The following LCK variants were observed in gnomAD, a reference collection of about 807,000 sequenced individuals.
LCK encodes LCK proto-oncogene, Src family tyrosine kinase, also known as tyrosine-protein kinase Lck.
In LCK, 14 loss-of-function variants were observed where a neutral mutation model predicts 64.6. That is an observed-to-expected ratio of 0.22 (90% CI 0.14 to 0.34). LCK has a LOEUF of 0.34. Ranked by LOEUF, LCK falls within the 10% of genes least tolerant of loss-of-function variation. LCK has a pLI of 1.00. For missense variants in LCK, 434 were observed against 668.1 expected, an observed-to-expected ratio of 0.65 and a Z score of 3.86; for synonymous variants, 277 against 263.6, an observed-to-expected ratio of 1.05 and a Z score of -0.49.
chr1:32,268,556 A>T (rs527598849), intron 1 of LCK, among the ~76,000 whole-genome samples: 1 of 152,050 alleles, frequency 6.6e-6, no homozygotes, highest in South Asian at 2.1e-4. Context: ...TGATTATTAC[A>T]CATTGTATGC....
rs1553153707 is a variant in LCK at position 32,274,722 on chromosome 1, T to C, written c.106-15T>C. The C allele has an allele frequency of 2.6e-6, 4 of 1,559,582 alleles. No individual in the cohort carries two copies. In the South Asian group the frequency reaches 4.9e-5, roughly 19 times the overall value. ...CTTCTGCTTTCTGACCCCACCCTCA[T>C]CCCCCACTCCACAGCTGCTCATCCG... On this transcript the variant is annotated splice_polypyrimidine_tract_variant and intron_variant, in intron 2 of 12. Coordinates refer to ENST00000336890, the MANE Select transcript of LCK (RefSeq NM_005356.5).
At chr1:32,280,510 C>CGCCTGGG (rs1640425963) in intron 12 of LCK, among the ~76,000 whole-genome samples, 1 of 120,392 alleles carries the variant, frequency 8.3e-6, no homozygotes, top group African/African-American at 3.3e-5. Context: ...GGCTGGGGTG[C>CGCCTGGG]AGTGGCGCCA....
At chr1:32,265,851 T>C (rs1290707820) in intron 1 of LCK, among the ~76,000 whole-genome samples, 1 of 152,184 alleles carries the variant, frequency 6.6e-6, no homozygotes, top group Non-Finnish European at 1.5e-5. Context: ...CTTTTTTTCC[T>C]TTATATAGAG....
chr1:32,281,961 T>C (rs1428833281), intron 12 of LCK, among the ~76,000 whole-genome samples: 1 of 152,088 alleles, frequency 6.6e-6, no homozygotes, highest in Non-Finnish European at 1.5e-5. Flanking sequence ...CCCTAGATAC[T>C]CAGGAGGCTG....
Position 32,276,191 on chromosome 1 carries a change from C to A in LCK, c.631+128C>A. The A allele has an allele frequency of 6.9e-7, 1 of 1,447,482 alleles. No homozygotes were observed. Among genetic ancestry groups the A allele is most frequent in the Non-Finnish European group, 9.4e-7 (1 of 1,066,904 alleles). 89.7% of individuals were successfully genotyped at this position (1,447,482 alleles called of 1,614,324 possible). A position where few individuals can be genotyped will look rare whatever the true frequency, so the allele number is the denominator to read the frequency against. ...GCAGTGGGTGAGGTGTGGAACCTGA[C>A]CCTACGGCCCCAAGTGTTTGGGTGA... is the stretch of plus-strand genomic sequence containing the variant. On this transcript the variant is annotated intron_variant, in intron 7 of 12. Transcript: ENST00000336890. This position sits in a 1 kb window ranked among gnomAD's most constrained non-coding sequence, Gnocchi z 4.6.
At chr1:32,261,216 C>G (rs1639759630) in intron 1 of LCK, among the ~76,000 whole-genome samples, 1 of 150,876 alleles carries the variant, frequency 6.6e-6, no homozygotes, top group Non-Finnish European at 1.5e-5. Context: ...CAGGCAAATG[C>G]CATCACGCCA....
chr1:32,271,737 C>G (rs1418732641), intron 1 of LCK, among the ~76,000 whole-genome samples: 1 of 152,166 alleles, frequency 6.6e-6, no homozygotes, highest in Non-Finnish European at 1.5e-5. Context: ...ATGGGAGACT[C>G]TATGCATTAA....
rs1640232670 is a variant in LCK, at chr1:32,275,484, G to C, written c.377+65G>C. On this transcript the variant is annotated intron_variant, in intron 5 of 12. Coordinates refer to ENST00000336890, the MANE Select transcript of LCK (RefSeq NM_005356.5). This position sits in a 1 kb window ranked among gnomAD's most constrained non-coding sequence, Gnocchi z 6.9. ...CTAGGGATCCTGGAGCAGGGAGTAGGCCTGGGGTGGCGGTGAAGGCTTGAG... is the reference window on the plus strand; with the variant it reads ...CTAGGGATCCTGGAGCAGGGAGTAGCCCTGGGGTGGCGGTGAAGGCTTGAG... 6.3e-7 allele frequency: 1 copy of C among 1,577,880 alleles called. No individual in the cohort carries two copies. Among genetic ancestry groups the C allele is most frequent in the South Asian group, 1.1e-5 (1 of 88,810 alleles).
At position 32,276,204 on chromosome 1, in the gene LCK, A is replaced by G; in HGVS notation, c.632-133A>G. Reference sequence around the variant, plus strand: ...TGTGGAACCTGACCCTACGGCCCCAAGTGTTTGGGTGACAGCCCCACACCC... The same window carrying G: ...TGTGGAACCTGACCCTACGGCCCCAGGTGTTTGGGTGACAGCCCCACACCC... On this transcript the variant is annotated intron_variant, in intron 7 of 12. Transcript: ENST00000336890. The surrounding 1 kb of genome is among the most constrained non-coding windows in gnomAD (Gnocchi z 4.6). 1.4e-6 allele frequency: 2 copies of G among 1,449,524 alleles called. No homozygotes were observed. The highest frequency in any genetic ancestry group is 2.5e-4 in the Middle Eastern group (1 of 3,932). The allele number at this position is 1,449,524 out of a possible 1,614,324, so 89.8% of individuals were successfully genotyped here. A position where few individuals can be genotyped will look rare whatever the true frequency, so the allele number is the denominator to read the frequency against.
chr1:32,279,993 G>A lies in LCK; in HGVS notation c.1194G>A (p.Glu398=), dbSNP rs760200759. 4 of 1,614,132 alleles carry A rather than the reference G, an allele frequency of 2.5e-6. No homozygotes were observed. Among genetic ancestry groups the A allele is most frequent in the Non-Finnish European group, 3.4e-6 (4 of 1,180,012 alleles). Reference sequence around the variant, plus strand: ...AGGACAACGAGTACACAGCCAGGGAGGGTACGTGTGAGATTTAAGGGTGGT... The same window carrying A: ...AGGACAACGAGTACACAGCCAGGGAAGGTACGTGTGAGATTTAAGGGTGGT... ...LIEDNEYTAR[E]GAKFPIKWTA... Residue 398 remains glutamate (E), a splice_region_variant and synonymous_variant, in exon 11 of 13, where the codon GAG becomes GAA. Transcript: ENST00000336890.
At chr1:32,264,202 A>T (rs1639855458) in intron 1 of LCK, among the ~76,000 whole-genome samples, 1 of 152,172 alleles carries the variant, frequency 6.6e-6, no homozygotes, top group Admixed American at 6.6e-5. Flanking sequence ...ATTGTCTTGA[A>T]GAGAAAAGCC....
chr1:32,278,340 T>C (rs1170532639), intron 9 of LCK, among the ~76,000 whole-genome samples: 1 of 152,082 alleles, frequency 6.6e-6, no homozygotes, highest in African/African-American at 2.4e-5. Context: ...ATAGATTATG[T>C]CATGTGTATC....
At chr1:32,261,236 G>T (rs2124315964) in intron 1 of LCK, among the ~76,000 whole-genome samples, 1 of 143,498 alleles carries the variant, frequency 7.0e-6, no homozygotes, top group Non-Finnish European at 1.5e-5. Flanking sequence ...ATCATGCTTG[G>T]CTAATTTTTT....
At chr1:32,271,824 G>A (rs1640087408) in intron 1 of LCK, among the ~76,000 whole-genome samples, 1 of 152,162 alleles carries the variant, frequency 6.6e-6, no homozygotes, top group Admixed American at 6.5e-5. Context: ...TACAGCTTCT[G>A]CTCTTGATGA....
intron 1 of LCK, among the ~76,000 whole-genome samples, chr1:32,256,070 C>G (rs1007245762): frequency 3.9e-5 from 6 of 152,072 alleles, no homozygotes; most frequent in Non-Finnish European, 7.4e-5. Context: ...GCATTCAAGA[C>G]TAGCCTGGGC....
At chr1:32,278,088 A>T (rs1009532592) in intron 9 of LCK, among the ~76,000 whole-genome samples, 1 of 152,004 alleles carries the variant, frequency 6.6e-6, no homozygotes, top group Non-Finnish European at 1.5e-5. Context: ...CTGAGGTGGG[A>T]GGATCACTTG....
chr1:32,275,739 G>C lies in LCK; in HGVS notation c.481+67G>C. On this transcript the variant is annotated intron_variant, in intron 6 of 12. Coordinates refer to ENST00000336890, the MANE Select transcript of LCK (RefSeq NM_005356.5). This position sits in a 1 kb window ranked among gnomAD's most constrained non-coding sequence, Gnocchi z 6.9. ...GGGTGTGCCCGAGGGGGGGCGCAGG[G>C]TGAGCCCGAGGTGGAGACACGGGGT... 1 of 1,450,942 alleles carries C rather than the reference G, an allele frequency of 6.9e-7. No homozygotes were observed. Among genetic ancestry groups the C allele is most frequent in the South Asian group, 1.2e-5 (1 of 81,428 alleles). 89.9% of individuals were successfully genotyped at this position (1,450,942 alleles called of 1,614,324 possible).
chr1:32,272,594 A>AGAG (rs1640109350), intron 1 of LCK, among the ~76,000 whole-genome samples: 1 of 149,418 alleles, frequency 6.7e-6, no homozygotes, highest in South Asian at 2.1e-4. Flanking sequence ...AGAAAGAGAG[A>AGAG]GAGAGAGAGA....
Position 32,275,526 on chromosome 1 carries a change from C to T in LCK, c.378-43C>T. On this transcript the variant is annotated intron_variant, in intron 5 of 12. Transcript: ENST00000336890. This position sits in a 1 kb window ranked among gnomAD's most constrained non-coding sequence, Gnocchi z 6.9. ...AGGCTTGAGGGCCACGGAGGAAGAT[C>T]CGACGACAGCCGACGGCCTTCGTTC... 1 of 1,546,450 alleles carries T rather than the reference C, an allele frequency of 6.5e-7. No individual in the cohort carries two copies. The highest frequency in any genetic ancestry group is 8.8e-7 in the Non-Finnish European group (1 of 1,137,798).
Sources: gnomAD v4.1 joint callset for allele counts (sites outside exome capture counted in the v4.1 genomes callset) on GRCh38, gnomAD v4.1.1 for gene constraint, Gnocchi (gnomAD v3.1) non-coding constraint, MANE v1.5 for transcripts, NCBI Gene and HGNC (gene_info 2026-07-23, HGNC 2026-07-21) for gene names.